The following SMG6 variants were observed in gnomAD, a reference collection of about 807,000 sequenced individuals.
SMG6 encodes the protein telomerase-binding protein EST1A.
SMG6 carries 66 observed loss-of-function variants against 142.2 expected under a neutral mutation model. The observed-to-expected ratio is 0.46, with a 90% CI of 0.38 to 0.57. The LOEUF is 0.57. SMG6 is among the 20% of genes least tolerant of loss of function. The pLI is 0.00. For synonymous variants in SMG6, 779 were observed against 702.4 expected (o/e 1.11, Z -1.72); for missense variants, 1,793 against 1,832.0 (o/e 0.98, Z 0.39).
chr17:2,186,749 G>C lies in SMG6; in HGVS notation c.3069C>G (p.Leu1023=), dbSNP rs989988507. 3 of 1,614,238 alleles carry C rather than the reference G, an allele frequency of 1.9e-6. No individual in the cohort carries two copies. Among genetic ancestry groups the C allele is most frequent in the Non-Finnish European group, 1.7e-6 (2 of 1,180,034 alleles). Residue 1023 remains leucine (L), a synonymous_variant, in exon 12 of 19, where the codon CTC becomes CTG. Coordinates refer to ENST00000263073, the MANE Select transcript of SMG6 (RefSeq NM_017575.5). Reference sequence around the variant, plus strand: ...AATCTGACCAGACTTTGACACTGGGGAGCAGCTCCTTCAGGTCCGGGACAA... The same window carrying C: ...AATCTGACCAGACTTTGACACTGGGCAGCAGCTCCTTCAGGTCCGGGACAA... ...SSFVPDLKEL[L]PSVKVWSDWM... is the part of the protein sequence containing the mutation.
intron 1 of SMG6, chr17:2,303,196 T>C (rs1186492563): frequency 1.0e-6 from 1 of 985,314 alleles, no homozygotes; most frequent in East Asian, 1.1e-4. Context: ...CGCAGGCTCT[T>C]AAACCTTTCT....
In SMG6 at chr17:2,061,394, T is replaced by C. The variant is rs1381556223; in HGVS notation, c.*98A>G. On this transcript the variant is annotated 3_prime_UTR_variant, in exon 19 of 19. Transcript: ENST00000263073. ...GAGGATGGTTTATTGTCTGGGTGGA[T>C]TGGTGGCTCAGGCACGTGGGCATCT... 5.0e-6 allele frequency: 6 copies of C among 1,210,688 alleles called. No individual in the cohort carries two copies. Among genetic ancestry groups the C allele is most frequent in the Non-Finnish European group, 6.9e-6 (6 of 871,154 alleles). The allele number at this position is 1,210,688 out of a possible 1,614,324, so 75.0% of individuals were successfully genotyped here.
At chr17:2,209,416 G>C (rs1335623439) in intron 10 of SMG6, among the ~76,000 whole-genome samples, 2 of 152,116 alleles carry the variant, frequency 1.3e-5, no homozygotes, top group African/African-American at 4.8e-5. Flanking sequence ...CCAGGCCAGA[G>C]TGCAGTAGCA....
chr17:2,086,713 G>GCCC (rs35616376), intron 13 of SMG6, among the ~76,000 whole-genome samples: 1 of 152,080 alleles, frequency 6.6e-6, no homozygotes, highest in Non-Finnish European at 1.5e-5. Flanking sequence ...CCCAGTCTGG[G>GCCC]CCCCCCTTCT....
At chr17:2,152,400 C>T (rs1020941735) in intron 13 of SMG6, among the ~76,000 whole-genome samples, 1 of 152,128 alleles carries the variant, frequency 6.6e-6, no homozygotes, top group African/African-American at 2.4e-5. Context: ...AACTTAGTCT[C>T]TAAAGTGAAA....
At chr17:2,125,876 C>G (rs915953921) in intron 13 of SMG6, among the ~76,000 whole-genome samples, 1 of 147,990 alleles carries the variant, frequency 6.8e-6, no homozygotes, top group Non-Finnish European at 1.5e-5. Context: ...TCGCTTGAAC[C>G]TGAGAGGCAG....
At chr17:2,088,183 G>A in intron 13 of SMG6, 1 of 985,394 alleles carries the variant, frequency 1.0e-6, no homozygotes, top group Non-Finnish European at 1.2e-6. Context: ...CAGACAGGCG[G>A]GCAGGAGTGT....
At chr17:2,156,171 T>C (rs2070996243) in intron 13 of SMG6, among the ~76,000 whole-genome samples, 1 of 150,920 alleles carries the variant, frequency 6.6e-6, no homozygotes. Flanking sequence ...GGGCAGATCA[T>C]TTGAGGTCAG....
rs757018579 is a variant in SMG6 at position 2,282,717 on chromosome 17, G to A, written c.2591C>T (p.Ser864Phe). The A allele has an allele frequency of 5.6e-6, 9 of 1,614,180 alleles. No homozygotes were observed. The East Asian group carries it at 1.8e-4, about 32-fold the overall frequency. ...EIWIHPSHPR[S>F]SQGTESGKDS... The stretch of plus-strand genomic sequence containing the variant: ...CTTCCCAGACTCAGTGCCCTGGGAA[G>A]ACCGTGGATGGGATGGATGAATCCA... Residue 864 changes from serine to phenylalanine, a missense_variant, in exon 8 of 19, where the codon TCT becomes TTT. This residue lies in a region of SMG6 where 1,597 missense variants were observed against 1,584.6 expected (regional missense o/e 1.01). Transcript: ENST00000263073.
intron 10 of SMG6, among the ~76,000 whole-genome samples, chr17:2,197,042 A>G (rs2072352363): frequency 1.3e-5 from 2 of 152,200 alleles, no homozygotes; most frequent in African/African-American, 2.4e-5. Flanking sequence ...AAACTCTTAG[A>G]AAAAAATGGA....
chr17:2,198,701 G>C (rs1034064924), intron 10 of SMG6, among the ~76,000 whole-genome samples: 1 of 152,014 alleles, frequency 6.6e-6, no homozygotes, highest in South Asian at 2.1e-4. Context: ...AACAAAAAAA[G>C]TAAACCCAAG....
At chr17:2,078,094 G>T (rs1429703361) in intron 15 of SMG6, among the ~76,000 whole-genome samples, 1 of 152,136 alleles carries the variant, frequency 6.6e-6, no homozygotes, top group Non-Finnish European at 1.5e-5. Flanking sequence ...GCAGTGAATA[G>T]GAGCCTGGTG....
chr17:2,078,960 G>C (rs1373917801), intron 15 of SMG6, among the ~76,000 whole-genome samples: 1 of 150,646 alleles, frequency 6.6e-6, no homozygotes, highest in East Asian at 1.9e-4. Context: ...ATGAAGATAG[G>C]TCATCGGTGA....
chr17:2,238,815 A>G (rs2073733222), intron 9 of SMG6, among the ~76,000 whole-genome samples: 1 of 152,208 alleles, frequency 6.6e-6, no homozygotes, highest in African/African-American at 2.4e-5. Flanking sequence ...CCTTTTTATA[A>G]AAAGTTTTTT....
chr17:2,123,120 G>A (rs988786693), intron 13 of SMG6, among the ~76,000 whole-genome samples: 1 of 73,480 alleles, frequency 1.4e-5, no homozygotes, highest in Non-Finnish European at 2.8e-5. Context: ...CTGAAGGTAT[G>A]AGGAAACCCT....
intron 12 of SMG6, among the ~76,000 whole-genome samples, chr17:2,181,770 T>C (rs769513578): frequency 2.1e-4 from 32 of 152,202 alleles, no homozygotes; most frequent in Non-Finnish European, 4.0e-4. Flanking sequence ...TGCCCAAAGA[T>C]GGGCAGCAGC....
intron 13 of SMG6, among the ~76,000 whole-genome samples, chr17:2,164,599 G>C (rs548957844): frequency 1.3e-5 from 2 of 152,116 alleles, no homozygotes; most frequent in South Asian, 4.2e-4. Flanking sequence ...CAGAGTAAGA[G>C]AGTGAGACTC....
intron 4 of SMG6, among the ~76,000 whole-genome samples, chr17:2,296,409 T>C (rs1460091488): frequency 2.6e-5 from 4 of 152,168 alleles, no homozygotes; most frequent in African/African-American, 9.7e-5. Flanking sequence ...CAGGCTACGT[T>C]AGATTCACTT....
chr17:2,184,470 C>T (rs769145532), intron 12 of SMG6, among the ~76,000 whole-genome samples: 1 of 151,204 alleles, frequency 6.6e-6, no homozygotes, highest in Non-Finnish European at 1.5e-5. Flanking sequence ...CCAGCCTGGC[C>T]AACATAGTGA....
Sources: gnomAD v4.1 joint callset for allele counts (sites outside exome capture counted in the v4.1 genomes callset) on GRCh38, gnomAD v4.1.1 for gene constraint, gnomAD v4.1.1 regional missense constraint, MANE v1.5 for transcripts, NCBI Gene and HGNC (gene_info 2026-07-23, HGNC 2026-07-21) for gene names.